FHOD3: variants seen among roughly 807,000 people sequenced by gnomAD.
FHOD3 encodes formin homology 2 domain containing 3.
In FHOD3, 90 loss-of-function variants were observed where a neutral mutation model predicts 173.0. The observed-to-expected ratio is 0.52, with a 90% CI of 0.44 to 0.62. The LOEUF (loss-of-function observed/expected upper bound fraction) is 0.62, where lower values mean the gene tolerates loss of function less well. Ranked by LOEUF, FHOD3 falls within the 20% of genes least tolerant of loss-of-function variation. The probability of loss-of-function intolerance (pLI) is 0.00; values close to 1 mark genes in which losing one functional copy is unlikely to be tolerated. For missense variants in FHOD3, 1,945 were observed against 2,034.7 expected (o/e 0.96, Z 0.85); for synonymous variants, 828 against 823.0 (o/e 1.01, Z -0.10).
At chr18:36,568,669 C>T (rs1223357090) in intron 5 of FHOD3, among the ~76,000 whole-genome samples, 3 of 152,118 alleles carry the variant, frequency 2.0e-5, no homozygotes, top group African/African-American at 7.2e-5. Flanking sequence ...ATATTAGAGC[C>T]ACAGAAGACA....
intron 16 of FHOD3, chr18:36,693,003 G>A: frequency 1.7e-6 from 1 of 596,006 alleles, no homozygotes; most frequent in Non-Finnish European, 3.0e-6. Context: ...CCCCCAATTT[G>A]CTTGGTTATG....
At chr18:36,656,760 A>G (rs1433174811) in intron 13 of FHOD3, among the ~76,000 whole-genome samples, 2 of 152,120 alleles carry the variant, frequency 1.3e-5, no homozygotes, top group African/African-American at 2.4e-5. Flanking sequence ...GTTGTCACTT[A>G]TAAAATTGGT....
At chr18:36,602,107 A>G (rs1245293177) in intron 7 of FHOD3, among the ~76,000 whole-genome samples, 2 of 152,188 alleles carry the variant, frequency 1.3e-5, no homozygotes, top group African/African-American at 4.8e-5. Context: ...CTGCTCCATT[A>G]GATTATAAAC....
chr18:36,502,944 G>A (rs1216995498), intron 4 of FHOD3, among the ~76,000 whole-genome samples: 1 of 152,150 alleles, frequency 6.6e-6, no homozygotes. Context: ...TCTGATTGAA[G>A]ATTGCATTGG....
At chr18:36,612,397 C>T (rs928294806) in intron 9 of FHOD3, among the ~76,000 whole-genome samples, 3 of 152,292 alleles carry the variant, frequency 2.0e-5, no homozygotes, top group Admixed American at 6.5e-5. Flanking sequence ...CACCTTCACT[C>T]AAGGAGACGG....
intron 3 of FHOD3, among the ~76,000 whole-genome samples, chr18:36,417,979 T>G (rs981797892): frequency 6.6e-6 from 1 of 152,228 alleles, no homozygotes; most frequent in Non-Finnish European, 1.5e-5. Context: ...TTTAAGAAAT[T>G]TAGACTGAAA....
At chr18:36,723,128 A>G (rs2040875013) in intron 19 of FHOD3, among the ~76,000 whole-genome samples, 1 of 152,192 alleles carries the variant, frequency 6.6e-6, no homozygotes, top group Middle Eastern at 3.2e-3. Flanking sequence ...GAGGGCATGG[A>G]GACTCCCTTC....
rs987723860 is a variant in FHOD3, at chr18:36,455,633, A to G, written c.338-46299A>G. Among the ~76,000 whole-genome samples the G allele has an allele frequency of 4.0e-5, 6 of 151,360 alleles. No individual in the cohort carries two copies. In the South Asian group the frequency reaches 6.2e-4, roughly 16 times the overall value. On this transcript the variant is annotated intron_variant, in intron 3 of 28. Coordinates refer to ENST00000590592, the MANE Select transcript of FHOD3 (RefSeq NM_001281740.3). ...GTAAATAAATGTATTTCATATGGGA[A>G]AGAGCCAAAAAAATTTTTCAAAAAA...
chr18:36,429,966 G>A (rs1460382752), intron 3 of FHOD3, among the ~76,000 whole-genome samples: 1 of 152,154 alleles, frequency 6.6e-6, no homozygotes, highest in African/African-American at 2.4e-5. Flanking sequence ...CTCACTGATG[G>A]GAATGGGTGC....
chr18:36,614,439 G>GA (rs1379476696), intron 9 of FHOD3, among the ~76,000 whole-genome samples: 1 of 152,194 alleles, frequency 6.6e-6, no homozygotes, highest in Non-Finnish European at 1.5e-5. Context: ...TGGCTATTAT[G>GA]AATAATGCTG....
At position 36,774,336 on chromosome 18, in the gene FHOD3, A is replaced by C. The variant is rs1027577678; in HGVS notation, c.4786+4910A>C. Among the ~76,000 whole-genome samples the C allele has an allele frequency of 1.1e-4, 17 of 152,372 alleles. 1 individual carries two copies. Among genetic ancestry groups the C allele is most frequent in the African/African-American group, 3.8e-4 (16 of 41,594 alleles). On this transcript the variant is annotated intron_variant, in intron 28 of 28. Coordinates refer to ENST00000590592, the MANE Select transcript of FHOD3 (RefSeq NM_001281740.3). ...GTGATGGCAGAAAGCGCCTAATGCC[A>C]TGAGTATTTCTGAGTGCTGTCTCAG...
chr18:36,417,202 G>A (rs761449788), intron 3 of FHOD3, among the ~76,000 whole-genome samples: 11 of 152,054 alleles, frequency 7.2e-5, no homozygotes, highest in Admixed American at 3.9e-4. Context: ...TATTTTTCTT[G>A]ATCCTCTCCC....
chr18:36,646,708 G>C (rs979004260), intron 10 of FHOD3, among the ~76,000 whole-genome samples: 3 of 152,144 alleles, frequency 2.0e-5, no homozygotes, highest in African/African-American at 4.8e-5. Flanking sequence ...CTCTACAAAT[G>C]TAAATCTGAA....
intron 2 of FHOD3, among the ~76,000 whole-genome samples, chr18:36,362,816 A>G (rs1246439193): frequency 6.6e-6 from 1 of 152,242 alleles, no homozygotes; most frequent in African/African-American, 2.4e-5. Context: ...ATTTTTGACT[A>G]TATTTTTATC....
At position 36,370,085 on chromosome 18, in the gene FHOD3, A is replaced by G. The variant is rs2146040254; in HGVS notation, c.273-2595A>G. Among the ~76,000 whole-genome samples, 4 of 152,140 alleles carry G rather than the reference A, an allele frequency of 2.6e-5. No homozygotes were observed. The South Asian group carries it at 8.3e-4, about 32-fold the overall frequency. ...GAGAGGTCACAGATGCCCTGTTGTG[A>G]ACCTGGCTGAATCTGGCCACACTCT... On this transcript the variant is annotated intron_variant, in intron 2 of 28. Transcript: ENST00000590592.
At chr18:36,478,774 A>G (rs563369499) in intron 3 of FHOD3, among the ~76,000 whole-genome samples, 58 of 152,308 alleles carry the variant, frequency 3.8e-4, no homozygotes, top group African/African-American at 1.3e-3. Context: ...CATTAGTCCC[A>G]GCCAAGTTAC....
At chr18:36,659,200 G>C (rs2036616165) in intron 14 of FHOD3, among the ~76,000 whole-genome samples, 1 of 152,178 alleles carries the variant, frequency 6.6e-6, no homozygotes, top group Non-Finnish European at 1.5e-5. Flanking sequence ...AGCCCTGGGA[G>C]GAAGGGAGGT....
intron 14 of FHOD3, among the ~76,000 whole-genome samples, chr18:36,675,544 T>C (rs376374757): frequency 6.6e-6 from 1 of 152,174 alleles, no homozygotes; most frequent in East Asian, 1.9e-4. Context: ...AGGAGCCTCC[T>C]ATGCCACTGG....
chr18:36,639,729 A>G (rs2035169020), intron 10 of FHOD3, among the ~76,000 whole-genome samples: 1 of 150,858 alleles, frequency 6.6e-6, no homozygotes, highest in Admixed American at 6.6e-5. Context: ...AGGCTGAGGC[A>G]GGAGAATGGT....
Sources: allele counts gnomAD v4.1 joint callset (sites outside exome capture counted in the v4.1 genomes callset), GRCh38; gene constraint gnomAD v4.1.1; transcripts MANE v1.5; gene names NCBI Gene and HGNC (gene_info 2026-07-23, HGNC 2026-07-21).